The following SCN2A variants were observed in gnomAD, a reference collection of about 807,000 sequenced individuals.
SCN2A encodes the protein sodium channel protein type 2 subunit alpha.
SCN2A carries 20 observed loss-of-function variants against 188.7 expected under a neutral mutation model. The ratio of observed to expected loss-of-function variants is 0.11; its 90% CI spans 0.07 to 0.15. SCN2A has a LOEUF of 0.15. Ranked by LOEUF, SCN2A falls within the 10% of genes least tolerant of loss-of-function variation. SCN2A has a pLI of 1.00. For synonymous variants in SCN2A, 804 were observed against 833.1 expected (o/e 0.97, Z 0.60); for missense variants, 1,278 against 2,445.0 (o/e 0.52, Z 10.07).
chr2:165,374,221 G>T (rs1439077355), intron 21 of SCN2A, among the ~76,000 whole-genome samples: 41 of 151,958 alleles, frequency 2.7e-4, no homozygotes, highest in Admixed American at 2.6e-3. Context: ...GCAGTAGAAG[G>T]CTTAATAAAC....
At position 165,365,373 on chromosome 2, in the gene SCN2A, GTATCTATC is replaced by G. The variant is rs3835934; in HGVS notation, c.3520+129_3520+136del. 3.5e-4 allele frequency: 297 copies of G among 856,058 alleles called. 1 individual carries two copies. The highest frequency in any genetic ancestry group is 4.4e-4 in the Non-Finnish European group (233 of 525,116). The allele number at this position is 856,058 out of a possible 1,614,324, so 53.0% of individuals were successfully genotyped here. A position where few individuals can be genotyped will look rare whatever the true frequency, so the allele number is the denominator to read the frequency against. ...TCTACCATCTATTATCTATCTATCT[GTATCTATC>G]TATCTATCTATCTATCTAGTAATCA... On this transcript the variant is annotated intron_variant, in intron 18 of 26. Transcript: ENST00000375437.
chr2:165,306,145 G>A (rs1031524107), intron 3 of SCN2A, among the ~76,000 whole-genome samples: 3 of 152,154 alleles, frequency 2.0e-5, no homozygotes, highest in African/African-American at 7.2e-5. Context: ...TTGTGATGCT[G>A]TCTCTTCTCT....
rs1233904258 is a variant in SCN2A at position 165,389,883 on chromosome 2, T to C, written c.*59T>C. The C allele has an allele frequency of 8.4e-6, 13 of 1,542,140 alleles. No individual in the cohort carries two copies. Among genetic ancestry groups the C allele is most frequent in the Non-Finnish European group, 9.6e-6 (11 of 1,148,320 alleles). ...TTGTTTACAGCCCGTGATGGTGATG[T>C]GTTTGTGTCAACAGGACTCCCACAG... On this transcript the variant is annotated 3_prime_UTR_variant, in exon 27 of 27. Coordinates refer to ENST00000375437, the MANE Select transcript of SCN2A (RefSeq NM_001040142.2). This position sits in a 1 kb window ranked among gnomAD's most constrained non-coding sequence, Gnocchi z 4.2.
At chr2:165,336,477 T>A (rs1002025936) in intron 14 of SCN2A, among the ~76,000 whole-genome samples, 2 of 151,836 alleles carry the variant, frequency 1.3e-5, no homozygotes, top group African/African-American at 4.8e-5. Context: ...ACAAAGCCAG[T>A]CACAAAATTT....
At chr2:165,289,845 G>A (rs1019095372) in intron 1 of SCN2A, among the ~76,000 whole-genome samples, 9 of 152,088 alleles carry the variant, frequency 5.9e-5, no homozygotes, top group Non-Finnish European at 2.9e-5. Context: ...GAATCAATGG[G>A]AGAGAAAGAG....
intron 11 of SCN2A, among the ~76,000 whole-genome samples, chr2:165,317,795 G>A (rs574874438): frequency 6.6e-6 from 1 of 152,114 alleles, no homozygotes; most frequent in South Asian, 2.1e-4. Context: ...ATTGATACTT[G>A]TTTCTTAAGC....
chr2:165,353,693 G>C (rs1700045046), intron 16 of SCN2A, among the ~76,000 whole-genome samples: 1 of 152,044 alleles, frequency 6.6e-6, no homozygotes. Flanking sequence ...ATGTGGGCAG[G>C]AGGCACTACA....
intron 18 of SCN2A, among the ~76,000 whole-genome samples, chr2:165,366,755 A>C (rs1343961568): frequency 6.6e-6 from 1 of 150,712 alleles, no homozygotes; most frequent in Non-Finnish European, 1.5e-5. Context: ...TATATTAATT[A>C]TAGTAATCAT....
intron 17 of SCN2A, among the ~76,000 whole-genome samples, chr2:165,363,798 T>A (rs1329229910): frequency 1.3e-5 from 2 of 152,138 alleles, no homozygotes; most frequent in East Asian, 3.9e-4. Flanking sequence ...TTAACTTTTT[T>A]GGACAAATTA....
intron 1 of SCN2A, among the ~76,000 whole-genome samples, chr2:165,255,987 T>C (rs1161837001): frequency 6.9e-6 from 1 of 145,148 alleles, no homozygotes; most frequent in African/African-American, 2.5e-5. Flanking sequence ...ATGTTTTCAT[T>C]TGGGGCTCTT....
At chr2:165,263,701 T>TTTTTA (rs1344673069) in intron 1 of SCN2A, among the ~76,000 whole-genome samples, 1 of 152,086 alleles carries the variant, frequency 6.6e-6, no homozygotes. Context: ...ATGCGGGCTC[T>TTTTTA]TTTTATTTTC....
At chr2:165,363,859 T>A (rs1700588521) in intron 17 of SCN2A, among the ~76,000 whole-genome samples, 1 of 152,158 alleles carries the variant, frequency 6.6e-6, no homozygotes, top group African/African-American at 2.4e-5. Flanking sequence ...TATTTATGCT[T>A]CCATCATTAG....
chr2:165,380,853 A>G (rs1024209623), intron 24 of SCN2A, 124 bp downstream of exon 24: 12 of 853,428 alleles, frequency 1.4e-5, no homozygotes, highest in African/African-American at 1.0e-4. Context: ...ATTTTGAGAC[A>G]TTTGATAATC....
chr2:165,360,994 C>A (rs1271756591), intron 17 of SCN2A, among the ~76,000 whole-genome samples: 1 of 151,792 alleles, frequency 6.6e-6, no homozygotes, highest in South Asian at 2.1e-4. Context: ...TTAGGTTGAT[C>A]GTAATTATGA....
At chr2:165,253,033 T>C (rs549944252) in intron 1 of SCN2A, among the ~76,000 whole-genome samples, 3 of 152,200 alleles carry the variant, frequency 2.0e-5, no homozygotes, top group East Asian at 3.9e-4. Context: ...AAGTTCTGTG[T>C]TGGGTCTCAT....
At chr2:165,258,519 G>A (rs1363297911) in intron 1 of SCN2A, among the ~76,000 whole-genome samples, 1 of 152,206 alleles carries the variant, frequency 6.6e-6, no homozygotes, top group Non-Finnish European at 1.5e-5. Context: ...ATGGAAAACA[G>A]TGTGGTGATT....
chr2:165,290,216 T>C (rs903631397), intron 1 of SCN2A, among the ~76,000 whole-genome samples: 2 of 152,126 alleles, frequency 1.3e-5, no homozygotes, highest in African/African-American at 4.8e-5. Context: ...TTCTTTGTAT[T>C]GGGAACATTC....
Position 165,283,234 on chromosome 2 carries a change from T to C in SCN2A, c.-51-12539T>C, listed in dbSNP as rs1350281966. ...GTATAAATTTCTAAGGAAGATAAGTTCAATTTTGGAAATGTTCACCTGAGG... is the reference window on the plus strand; with the variant it reads ...GTATAAATTTCTAAGGAAGATAAGTCCAATTTTGGAAATGTTCACCTGAGG... On this transcript the variant is annotated intron_variant, in intron 1 of 26. Coordinates refer to ENST00000375437, the MANE Select transcript of SCN2A (RefSeq NM_001040142.2). Among the ~76,000 whole-genome samples the C allele has an allele frequency of 2.0e-5, 3 of 152,122 alleles. No individual in the cohort carries two copies. The East Asian group carries it at 5.8e-4, about 29-fold the overall frequency.
chr2:165,252,859 A>AG (rs991546347), intron 1 of SCN2A, among the ~76,000 whole-genome samples: 17 of 151,786 alleles, frequency 1.1e-4, no homozygotes, highest in African/African-American at 3.1e-4. Context: ...ATGTAAGGGG[A>AG]GGGGGGGTGT....
Sources: allele counts gnomAD v4.1 joint callset (sites outside exome capture counted in the v4.1 genomes callset), GRCh38; gene constraint gnomAD v4.1.1; non-coding constraint Gnocchi (gnomAD v3.1); transcripts MANE v1.5; gene names NCBI Gene and HGNC (gene_info 2026-07-23, HGNC 2026-07-21).